Variants in FRMD4A observed in about 807,000 individuals in gnomAD.
FRMD4A encodes the protein FERM domain-containing protein 4A.
A neutral mutation model predicts 129.1 loss-of-function variants in FRMD4A; 29 were observed. The ratio of observed to expected loss-of-function variants is 0.22; its 90% CI spans 0.17 to 0.31. FRMD4A has a LOEUF of 0.31. Ranked by LOEUF, FRMD4A falls within the 10% of genes least tolerant of loss-of-function variation. The pLI is 1.00. For missense variants in FRMD4A, 1,272 were observed against 1,375.8 expected, an observed-to-expected ratio of 0.92 and a Z score of 1.19; for synonymous variants, 634 against 571.6, an observed-to-expected ratio of 1.11 and a Z score of -1.56.
At chr10:13,968,383 A>T (rs932319030) in intron 2 of FRMD4A, among the ~76,000 whole-genome samples, 4 of 152,236 alleles carry the variant, frequency 2.6e-5, no homozygotes, top group African/African-American at 9.6e-5. Flanking sequence ...CTAAAATACA[A>T]TATTTCAACA....
chr10:13,984,992 G>C (rs913410531), intron 2 of FRMD4A, among the ~76,000 whole-genome samples: 1 of 152,228 alleles, frequency 6.6e-6, no homozygotes, highest in Non-Finnish European at 1.5e-5. Flanking sequence ...GGCAGCGCTT[G>C]CTCCACTCCT....
intron 2 of FRMD4A, among the ~76,000 whole-genome samples, chr10:14,310,708 G>A (rs1846518442): frequency 6.6e-6 from 1 of 152,124 alleles, no homozygotes; most frequent in African/African-American, 2.4e-5. Flanking sequence ...CACCTAGCCC[G>A]AACCAGTTTT....
chr10:13,907,211 G>C (rs2094891084), intron 2 of FRMD4A, among the ~76,000 whole-genome samples: 1 of 152,176 alleles, frequency 6.6e-6, no homozygotes, highest in African/African-American at 2.4e-5. Flanking sequence ...AGTTGTCTAA[G>C]TGTGTTCTTA....
At chr10:13,709,313 C>G (rs754080059) in intron 12 of FRMD4A, among the ~76,000 whole-genome samples, 3 of 152,188 alleles carry the variant, frequency 2.0e-5, no homozygotes, top group Non-Finnish European at 2.9e-5. Context: ...TTCCTTTAGC[C>G]TCAGTTTTCC....
intron 2 of FRMD4A, among the ~76,000 whole-genome samples, chr10:14,228,302 C>T (rs545088404): frequency 3.9e-5 from 6 of 152,262 alleles, no homozygotes; most frequent in South Asian, 4.1e-4. Context: ...TATACAATGA[C>T]GATATATTCA....
intron 5 of FRMD4A, among the ~76,000 whole-genome samples, chr10:13,794,916 A>G (rs545067067): frequency 6.6e-6 from 1 of 152,334 alleles, no homozygotes; most frequent in South Asian, 2.1e-4. Context: ...CATAGAAGAC[A>G]GGCTTGCAGT....
chr10:14,032,179 AT>A (rs1220735753), intron 2 of FRMD4A, among the ~76,000 whole-genome samples: 2 of 152,184 alleles, frequency 1.3e-5, no homozygotes, highest in East Asian at 3.8e-4. Context: ...GCTTACACAT[AT>A]TATTGAAAAA....
intron 2 of FRMD4A, among the ~76,000 whole-genome samples, chr10:13,963,882 A>G (rs756036613): frequency 1.1e-4 from 17 of 152,194 alleles, no homozygotes; most frequent in African/African-American, 3.4e-4. Flanking sequence ...ACTGCTTTGC[A>G]GGTTAGGAAA....
rs1198017680 is a variant in FRMD4A, at chr10:13,771,906, C to A, written c.385-9226G>T. Among the ~76,000 whole-genome samples, 5 of 151,642 alleles carry A rather than the reference C, an allele frequency of 3.3e-5. No homozygotes were observed. In the East Asian group the frequency reaches 9.7e-4, roughly 29 times the overall value. On this transcript the variant is annotated intron_variant, in intron 6 of 24. Coordinates refer to ENST00000357447, the MANE Select transcript of FRMD4A (RefSeq NM_018027.5). ...ACCAGCCTGGGCAACATGGTGAAAC[C>A]CTGTTTCACTTTGAAACAAAACCAA...
chr10:14,309,867 T>C (rs574705862), intron 2 of FRMD4A, among the ~76,000 whole-genome samples: 2 of 152,332 alleles, frequency 1.3e-5, no homozygotes, highest in South Asian at 2.1e-4. Context: ...TCAAAACCTA[T>C]TCTTCAGCTT....
chr10:13,867,712 CATATAATATAATATATAATAAATAACAT>C (rs1164467848), intron 2 of FRMD4A, among the ~76,000 whole-genome samples: 448 of 3,498 alleles, frequency 0.13, 6 homozygotes, highest in Middle Eastern at 0.25. Context: ...TAATAAATAA[CATATAATATAATATATAATAAATAACAT>C]ATAATATAAT....
chr10:13,903,612 C>T (rs1292638821), intron 2 of FRMD4A, among the ~76,000 whole-genome samples: 1 of 151,726 alleles, frequency 6.6e-6, no homozygotes, highest in East Asian at 1.9e-4. Context: ...TGATGCACGC[C>T]TGTAGTCCCA....
chr10:14,052,556 C>T (rs1257853494), intron 2 of FRMD4A, among the ~76,000 whole-genome samples: 1 of 151,808 alleles, frequency 6.6e-6, no homozygotes, highest in Non-Finnish European at 1.5e-5. Context: ...AGGTGCCAGG[C>T]TCTTTTCTTT....
chr10:14,227,237 CTTCTTCTTTTTTTTT>C (rs1843471340), intron 2 of FRMD4A, among the ~76,000 whole-genome samples: 1 of 113,582 alleles, frequency 8.8e-6, no homozygotes, highest in African/African-American at 3.3e-5. Flanking sequence ...TCCTTCTCTT[CTTCTTCTTTTTTTTT>C]TTTTTTTTTT....
At chr10:14,247,127 C>G (rs1844269152) in intron 2 of FRMD4A, among the ~76,000 whole-genome samples, 1 of 152,150 alleles carries the variant, frequency 6.6e-6, no homozygotes, top group Admixed American at 6.5e-5. Context: ...ACATAAACCA[C>G]CTCTCAGCTC....
chr10:14,110,740 C>T (rs1406458206), intron 2 of FRMD4A, among the ~76,000 whole-genome samples: 1 of 152,212 alleles, frequency 6.6e-6, no homozygotes. Context: ...ATGTTTTAAT[C>T]TGCCAAACAT....
At chr10:14,285,917 G>C (rs1845666444) in intron 2 of FRMD4A, among the ~76,000 whole-genome samples, 1 of 152,152 alleles carries the variant, frequency 6.6e-6, no homozygotes, top group Non-Finnish European at 1.5e-5. Flanking sequence ...AGGTAGAGTT[G>C]GGAAACACTC....
At chr10:13,788,665 G>A (rs1383221299) in intron 5 of FRMD4A, among the ~76,000 whole-genome samples, 1 of 152,220 alleles carries the variant, frequency 6.6e-6, no homozygotes, top group Non-Finnish European at 1.5e-5. Context: ...CTTGCTAAGA[G>A]GTTTCCTGAC....
At chr10:14,068,190 G>A (rs1287357205) in intron 2 of FRMD4A, among the ~76,000 whole-genome samples, 1 of 152,146 alleles carries the variant, frequency 6.6e-6, no homozygotes, top group Non-Finnish European at 1.5e-5. Context: ...ATCTTTTCCA[G>A]GCTCAGAGCC....
Sources: gnomAD v4.1 joint callset for allele counts (sites outside exome capture counted in the v4.1 genomes callset) on GRCh38, gnomAD v4.1.1 for gene constraint, MANE v1.5 for transcripts, NCBI Gene and HGNC (gene_info 2026-07-23, HGNC 2026-07-21) for gene names.